The following STARD3NL variants were observed in gnomAD, a reference collection of about 807,000 sequenced individuals.
STARD3NL encodes the protein STARD3 N-terminal-like protein.
STARD3NL carries 17 observed loss-of-function variants against 30.9 expected under a neutral mutation model. The observed-to-expected ratio is 0.55, with a 90% CI of 0.38 to 0.82. STARD3NL has a LOEUF of 0.82. STARD3NL is among the 40% of genes least tolerant of loss of function. STARD3NL has a pLI of 0.00. For synonymous variants in STARD3NL, 112 were observed against 100.5 expected, an observed-to-expected ratio of 1.11 and a Z score of -0.69; for missense variants, 234 against 277.6, an observed-to-expected ratio of 0.84 and a Z score of 1.12.
intron 1 of STARD3NL, among the ~76,000 whole-genome samples, chr7:38,184,671 A>G (rs962276430): frequency 2.7e-5 from 4 of 146,098 alleles, no homozygotes; most frequent in South Asian, 2.1e-4. Context: ...TATAATATAT[A>G]CTATATATAT....
intron 1 of STARD3NL, among the ~76,000 whole-genome samples, chr7:38,187,389 AT>A (rs1393271915): frequency 2.6e-5 from 4 of 152,168 alleles, no homozygotes; most frequent in South Asian, 2.1e-4. Context: ...TATATACTTG[AT>A]TTTTTTCCCT....
rs776780254 is a variant in STARD3NL, at chr7:38,207,524, A to G, written c.20A>G (p.Asp7Gly). 8 of 1,613,832 alleles carry G rather than the reference A, an allele frequency of 5.0e-6. No homozygotes were observed. The African/African-American group carries it at 9.3e-5, about 19-fold the overall frequency. Residue 7 changes from aspartate to glycine, a missense_variant, in exon 2 of 9, where the codon GAC becomes GGC. By Grantham distance (94) the Asp-to-Gly change is moderately conservative. Coordinates refer to ENST00000009041, the MANE Select transcript of STARD3NL (RefSeq NM_032016.4). Reference protein sequence around the residue: MNHLPEDMENALTGSQS... With the variant: MNHLPEGMENALTGSQS... ...TCCAGGATGAACCACCTGCCAGAAGACATGGAGAACGCTCTCACCGGGAGC... is the reference window on the plus strand; with the variant it reads ...TCCAGGATGAACCACCTGCCAGAAGGCATGGAGAACGCTCTCACCGGGAGC...
intron 1 of STARD3NL, among the ~76,000 whole-genome samples, chr7:38,181,498 A>G (rs1230834929): frequency 6.6e-6 from 1 of 152,240 alleles, no homozygotes; most frequent in Non-Finnish European, 1.5e-5. Flanking sequence ...TGCATATTTT[A>G]GTAATTATGA....
At chr7:38,211,344 G>C (rs1392683394) in intron 2 of STARD3NL, among the ~76,000 whole-genome samples, 1 of 148,504 alleles carries the variant, frequency 6.7e-6, no homozygotes, top group Non-Finnish European at 1.5e-5. Flanking sequence ...GTTAAGATGG[G>C]AGGATGATCT....
intron 1 of STARD3NL, among the ~76,000 whole-genome samples, chr7:38,206,510 C>T (rs1390331444): frequency 1.3e-5 from 2 of 152,292 alleles, no homozygotes; most frequent in African/African-American, 4.8e-5. Context: ...ATTTGGATTA[C>T]TCATTTTTAA....
rs148644767 is a variant in STARD3NL at position 38,215,234 on chromosome 7, C to T, written c.381+129C>T. The stretch of plus-strand genomic sequence containing the variant: ...GAATCCCACCAGCTTTCCTGAGTCC[C>T]GTTTCCTCCATACTTAAGTAGGTTT... On this transcript the variant is annotated intron_variant, in intron 4 of 8. Transcript: ENST00000009041. 1.6e-4 allele frequency: 121 copies of T among 772,466 alleles called. No homozygotes were observed. In the African/African-American group the frequency reaches 1.9e-3, roughly 12 times the overall value. 47.9% of individuals were successfully genotyped at this position (772,466 alleles called of 1,614,324 possible).
chr7:38,199,058 A>C (rs531655710), intron 1 of STARD3NL, among the ~76,000 whole-genome samples: 1 of 152,368 alleles, frequency 6.6e-6, no homozygotes, highest in South Asian at 2.1e-4. Context: ...ACAAGACATC[A>C]ATCTCTTTTT....
intron 1 of STARD3NL, among the ~76,000 whole-genome samples, chr7:38,200,598 A>T (rs1297397971): frequency 6.6e-6 from 1 of 152,198 alleles, no homozygotes; most frequent in African/African-American, 2.4e-5. Context: ...TAATGCAGAA[A>T]TCAAGAGTTT....
At chr7:38,210,218 T>C (rs1029404888) in intron 2 of STARD3NL, among the ~76,000 whole-genome samples, 1 of 152,182 alleles carries the variant, frequency 6.6e-6, no homozygotes, top group Non-Finnish European at 1.5e-5. Flanking sequence ...TTGCAAGCTC[T>C]ACCAAAAAAA....
intron 7 of STARD3NL, among the ~76,000 whole-genome samples, chr7:38,219,920 A>G (rs139509840): frequency 2.0e-5 from 3 of 152,288 alleles, no homozygotes; most frequent in Non-Finnish European, 4.4e-5. Flanking sequence ...GACAAGGGGA[A>G]GCGTCTCAGT....
At chr7:38,204,997 G>T (rs1468257280) in intron 1 of STARD3NL, among the ~76,000 whole-genome samples, 1 of 151,734 alleles carries the variant, frequency 6.6e-6, no homozygotes, top group Non-Finnish European at 1.5e-5. Flanking sequence ...ATAATTAATA[G>T]CTTACCAACC....
intron 2 of STARD3NL, among the ~76,000 whole-genome samples, chr7:38,213,831 T>C (rs1029220721): frequency 5.9e-5 from 9 of 152,196 alleles, no homozygotes; most frequent in African/African-American, 2.2e-4. Context: ...TTTAAATTGA[T>C]AAAAGTGCAG....
intron 4 of STARD3NL, 33 bp from the exon 5 acceptor site, chr7:38,216,992 A>G (rs1342295688): frequency 6.2e-7 from 1 of 1,612,808 alleles, no homozygotes; most frequent in South Asian, 1.1e-5. Context: ...TGAGATGCCT[A>G]GTGTGAACAG....
At chr7:38,217,376 T>C in intron 6 of STARD3NL, 71 bp downstream of exon 6, 1 of 1,432,462 alleles carries the variant, frequency 7.0e-7, no homozygotes, top group South Asian at 1.2e-5. Context: ...ATGTGGTTTC[T>C]TGGTGTGAAT....
At chr7:38,229,682 C>T (rs955612956) in intron 8 of STARD3NL, among the ~76,000 whole-genome samples, 1 of 152,174 alleles carries the variant, frequency 6.6e-6, no homozygotes, top group Non-Finnish European at 1.5e-5. Context: ...CCCAGCACAC[C>T]TCAGCCGCAT....
chr7:38,194,146 A>G (rs1157046505), intron 1 of STARD3NL, among the ~76,000 whole-genome samples: 1 of 152,034 alleles, frequency 6.6e-6, no homozygotes, highest in East Asian at 1.9e-4. Context: ...CAGAGTATTG[A>G]CTTTAGTTAT....
chr7:38,190,104 C>T (rs1257218919), intron 1 of STARD3NL, among the ~76,000 whole-genome samples: 1 of 152,164 alleles, frequency 6.6e-6, no homozygotes, highest in African/African-American at 2.4e-5. Flanking sequence ...CCTGAAACAA[C>T]AGATAGTACC....
At chr7:38,223,083 TC>T (rs750226616) in intron 7 of STARD3NL, among the ~76,000 whole-genome samples, 2 of 151,996 alleles carry the variant, frequency 1.3e-5, no homozygotes, top group Admixed American at 6.6e-5. Context: ...CTTTTTTTCC[TC>T]CACCACCTAA....
Position 38,217,322 on chromosome 7 carries a change from GTCAGCC to G in STARD3NL, c.553+20_553+25del. 2 of 1,612,330 alleles carry G rather than the reference GTCAGCC, an allele frequency of 1.2e-6. No homozygotes were observed. The highest frequency in any genetic ancestry group is 1.7e-6 in the Non-Finnish European group (2 of 1,178,850). On this transcript the variant is annotated intron_variant, in intron 6 of 8. Coordinates refer to ENST00000009041, the MANE Select transcript of STARD3NL (RefSeq NM_032016.4). The stretch of plus-strand genomic sequence containing the variant: ...AAGAAAACAGTAAGTTCCTCTCAAA[GTCAGCC>G]TCCTGAGGCGGACTGGATACCAAGC...
Sources: allele counts gnomAD v4.1 joint callset (sites outside exome capture counted in the v4.1 genomes callset), GRCh38; gene constraint gnomAD v4.1.1; transcripts MANE v1.5; gene names NCBI Gene and HGNC (gene_info 2026-07-23, HGNC 2026-07-21).